Variants in PHACTR1 observed in about 807,000 individuals in gnomAD.
PHACTR1 encodes RPEL repeat containing 1.
PHACTR1 carries 16 observed loss-of-function variants against 69.2 expected under a neutral mutation model. The ratio of observed to expected loss-of-function variants is 0.23; its 90% confidence interval spans 0.16 to 0.35. The LOEUF is 0.35. Among genes scored for constraint, PHACTR1 ranks in the 10% least tolerant of loss-of-function variants. PHACTR1 has a pLI of 1.00. For synonymous variants in PHACTR1, 312 were observed against 284.5 expected (o/e 1.10, Z -0.97); for missense variants, 510 against 734.7 (o/e 0.69, Z 3.54).
intron 3 of PHACTR1, among the ~76,000 whole-genome samples, chr6:12,729,335 C>T (rs540057583): frequency 2.1e-3 from 316 of 152,280 alleles, no homozygotes; most frequent in Non-Finnish European, 3.3e-3. Context: ...TCAGAGCAAA[C>T]TCTACAGTTT....
intron 4 of PHACTR1, among the ~76,000 whole-genome samples, chr6:13,044,967 C>A (rs1162773016): frequency 6.6e-6 from 1 of 152,080 alleles, no homozygotes; most frequent in Admixed American, 6.6e-5. Flanking sequence ...TAAGACAGCT[C>A]CTCTTTTCCC....
At chr6:13,195,928 G>A (rs763026735) in intron 7 of PHACTR1, among the ~76,000 whole-genome samples, 1 of 152,120 alleles carries the variant, frequency 6.6e-6, no homozygotes, top group South Asian at 2.1e-4. Flanking sequence ...CATCAGCCAG[G>A]GCTGTGTCAG....
intron 10 of PHACTR1, among the ~76,000 whole-genome samples, chr6:13,233,475 T>C (rs1180730758): frequency 6.6e-6 from 1 of 152,200 alleles, no homozygotes; most frequent in African/African-American, 2.4e-5. Context: ...AGAGGTTTAA[T>C]TGACTCACAG....
intron 4 of PHACTR1, among the ~76,000 whole-genome samples, chr6:12,804,803 TAAA>T (rs1323937039): frequency 1.3e-5 from 2 of 152,138 alleles, no homozygotes; most frequent in Admixed American, 1.3e-4. Flanking sequence ...TGTTTCAAAA[TAAA>T]AAATATTTTA....
At chr6:13,007,501 T>C (rs4236096) in intron 4 of PHACTR1, among the ~76,000 whole-genome samples, 75,673 of 151,448 alleles carry the variant, frequency 0.5, 21,452 homozygotes, top group African/African-American at 0.78. Context: ...TTTTTTTAAC[T>C]TAGAATAAGA....
intron 4 of PHACTR1, among the ~76,000 whole-genome samples, chr6:12,800,649 G>A (rs1009051156): frequency 6.6e-6 from 1 of 152,140 alleles, no homozygotes; most frequent in Non-Finnish European, 1.5e-5. Flanking sequence ...ACTATGGGAG[G>A]CCAAGGAGGA....
chr6:12,874,643 G>T (rs1257132707), intron 4 of PHACTR1, among the ~76,000 whole-genome samples: 2 of 152,050 alleles, frequency 1.3e-5, no homozygotes, highest in East Asian at 3.9e-4. Context: ...CCTCCTATCT[G>T]CAATTAAATG....
At chr6:13,250,455 G>C (rs1483376052) in intron 10 of PHACTR1, among the ~76,000 whole-genome samples, 1 of 152,174 alleles carries the variant, frequency 6.6e-6, no homozygotes, top group African/African-American at 2.4e-5. Flanking sequence ...TTTCAAACTT[G>C]ATTTATTACC....
At chr6:12,897,317 C>A (rs73362169) in intron 4 of PHACTR1, among the ~76,000 whole-genome samples, 3 of 152,128 alleles carry the variant, frequency 2.0e-5, no homozygotes, top group African/African-American at 7.2e-5. Flanking sequence ...ATTCTTGCAG[C>A]GCAAGAGGTT....
chr6:12,980,989 C>A (rs1162844373), intron 4 of PHACTR1, among the ~76,000 whole-genome samples: 1 of 152,234 alleles, frequency 6.6e-6, no homozygotes, highest in East Asian at 1.9e-4. Flanking sequence ...TTCCATTCTC[C>A]TTGACATAAA....
chr6:13,094,266 G>A (rs1487657751), intron 5 of PHACTR1, among the ~76,000 whole-genome samples: 1 of 149,876 alleles, frequency 6.7e-6, no homozygotes, highest in Non-Finnish European at 1.5e-5. Context: ...TACTTTTTCT[G>A]TGGTTCTATT....
chr6:12,976,178 C>A (rs961859201), intron 4 of PHACTR1, among the ~76,000 whole-genome samples: 3 of 152,108 alleles, frequency 2.0e-5, no homozygotes, highest in African/African-American at 4.8e-5. Context: ...TTTTGTAGTT[C>A]GGAACAAGAG....
intron 4 of PHACTR1, among the ~76,000 whole-genome samples, chr6:12,770,343 A>G (rs759361079): frequency 6.6e-5 from 10 of 152,216 alleles, no homozygotes; most frequent in African/African-American, 1.9e-4. Context: ...CTGGCTGGGT[A>G]GAGGGATTGT....
At chr6:12,966,240 T>C (rs1301831699) in intron 4 of PHACTR1, among the ~76,000 whole-genome samples, 1 of 152,166 alleles carries the variant, frequency 6.6e-6, no homozygotes, top group Non-Finnish European at 1.5e-5. Context: ...AGCTGTTACT[T>C]CCTGAGCACT....
At chr6:13,222,232 T>C (rs1473678946) in intron 8 of PHACTR1, among the ~76,000 whole-genome samples, 3 of 152,210 alleles carry the variant, frequency 2.0e-5, no homozygotes, top group Non-Finnish European at 4.4e-5. Context: ...TGATCTAGAA[T>C]AGATTTTATT....
intron 4 of PHACTR1, among the ~76,000 whole-genome samples, chr6:12,821,500 AGAG>A (rs2127712702): frequency 2.0e-5 from 3 of 148,322 alleles, no homozygotes; most frequent in African/African-American, 7.4e-5. Context: ...AGAGAGAGAG[AGAG>A]AAGTTAAGCA....
chr6:12,875,848 G>C (rs1782477860), intron 4 of PHACTR1, among the ~76,000 whole-genome samples: 1 of 152,092 alleles, frequency 6.6e-6, no homozygotes. Context: ...CTTCTGTGTT[G>C]CTTATGAATC....
chr6:13,020,498 C>G (rs770194923), intron 4 of PHACTR1, among the ~76,000 whole-genome samples: 2 of 152,056 alleles, frequency 1.3e-5, no homozygotes, highest in Non-Finnish European at 2.9e-5. Flanking sequence ...GGTGGGGAAC[C>G]CATCTCCTCC....
chr6:13,169,832 A>G (rs184368909), intron 6 of PHACTR1, among the ~76,000 whole-genome samples: 1 of 152,334 alleles, frequency 6.6e-6, no homozygotes, highest in East Asian at 1.9e-4. Context: ...GGTTAAAGAG[A>G]CTGAAACAAT....
Sources: allele counts gnomAD v4.1 joint callset (sites outside exome capture counted in the v4.1 genomes callset), GRCh38; gene constraint gnomAD v4.1.1; transcripts MANE v1.5; gene names NCBI Gene and HGNC (gene_info 2026-07-23, HGNC 2026-07-21).